Variants in KLC1 observed in about 807,000 individuals in gnomAD.
The protein encoded by KLC1 is kinesin light chain 1.
Under a neutral mutation model 84.2 loss-of-function variants are expected in KLC1, and 30 were observed. The observed-to-expected ratio is 0.36, with a 90% CI of 0.27 to 0.48. The LOEUF is 0.48. KLC1 is among the 20% of genes least tolerant of loss of function. The pLI is 0.99. For synonymous variants in KLC1, 289 were observed against 293.3 expected, an observed-to-expected ratio of 0.99 and a Z score of 0.15; for missense variants, 499 against 805.4, an observed-to-expected ratio of 0.62 and a Z score of 4.60.
chr14:103,692,189 CTAAA>C (rs370736796), intron 14 of KLC1, among the ~76,000 whole-genome samples, 166 bp from the exon 15 acceptor site: 43 of 152,282 alleles, frequency 2.8e-4, no homozygotes, highest in African/African-American at 7.9e-4. Context: ...CTCCTGGGCA[CTAAA>C]TAGAGTGAGA....
At chr14:103,652,399 C>A (rs985570116) in intron 1 of KLC1, among the ~76,000 whole-genome samples, 1 of 152,184 alleles carries the variant, frequency 6.6e-6, no homozygotes, top group African/African-American at 2.4e-5. Flanking sequence ...TATTCCCAGC[C>A]TGGCACACCA....
At chr14:103,658,463 T>C (rs1368829669) in intron 3 of KLC1, among the ~76,000 whole-genome samples, 2 of 122,804 alleles carry the variant, frequency 1.6e-5, no homozygotes, top group African/African-American at 6.6e-5. Context: ...TTAGTAGAGA[T>C]GAGGTTTCAC....
chr14:103,631,906 A>G (rs758947028), intron 1 of KLC1, among the ~76,000 whole-genome samples: 8 of 152,180 alleles, frequency 5.3e-5, no homozygotes, highest in African/African-American at 9.7e-5. Flanking sequence ...GGCTGAAACC[A>G]GTATTTTATG....
chr14:103,672,677 C>A (rs1311476944), intron 7 of KLC1, among the ~76,000 whole-genome samples: 1 of 152,178 alleles, frequency 6.6e-6, no homozygotes, highest in Non-Finnish European at 1.5e-5. Flanking sequence ...ATAGCCTTTA[C>A]AAAGCCCATT....
intron 5 of KLC1, among the ~76,000 whole-genome samples, chr14:103,664,790 C>T (rs547270040): frequency 6.8e-6 from 1 of 146,404 alleles, no homozygotes; most frequent in South Asian, 2.2e-4. Context: ...GCTAGGATTA[C>T]AGGCGTGAAC....
chr14:103,678,604 C>T (rs4906358), intron 12 of KLC1, among the ~76,000 whole-genome samples: 88,888 of 151,286 alleles, frequency 0.59, 27,639 homozygotes, highest in Non-Finnish European at 0.71. Flanking sequence ...GTGGGAGGAT[C>T]GCTTGAACCC....
At chr14:103,637,084 C>T (rs964583245) in intron 1 of KLC1, among the ~76,000 whole-genome samples, 3 of 151,746 alleles carry the variant, frequency 2.0e-5, no homozygotes, top group Non-Finnish European at 2.9e-5. Context: ...CTCTATTGCC[C>T]AGGCTGACGT....
chr14:103,645,738 A>G (rs2077867375), intron 1 of KLC1, among the ~76,000 whole-genome samples: 1 of 150,668 alleles, frequency 6.6e-6, no homozygotes, highest in African/African-American at 2.4e-5. Flanking sequence ...TAGAAAAGAT[A>G]TAGTCAAAAT....
chr14:103,678,152 A>G (rs1282076162), intron 12 of KLC1, among the ~76,000 whole-genome samples: 1 of 152,192 alleles, frequency 6.6e-6, no homozygotes, highest in African/African-American at 2.4e-5. Context: ...AGTCCCAGCT[A>G]CTGGGGAGGC....
At chr14:103,638,338 C>T (rs1355467987) in intron 1 of KLC1, among the ~76,000 whole-genome samples, 1 of 152,154 alleles carries the variant, frequency 6.6e-6, no homozygotes, top group Non-Finnish European at 1.5e-5. Flanking sequence ...TCTGTGCACC[C>T]AGACCTATTG....
intron 5 of KLC1, among the ~76,000 whole-genome samples, chr14:103,663,229 G>A (rs1421547875): frequency 6.6e-6 from 1 of 151,784 alleles, no homozygotes; most frequent in Non-Finnish European, 1.5e-5. Flanking sequence ...TCAGGCACCC[G>A]CCACCATGCC....
intron 1 of KLC1, among the ~76,000 whole-genome samples, chr14:103,648,627 A>G (rs1033035211): frequency 5.9e-5 from 9 of 152,066 alleles, no homozygotes; most frequent in African/African-American, 2.2e-4. Flanking sequence ...CAGAAAATAA[A>G]AAGAAAATAA....
intron 9 of KLC1, among the ~76,000 whole-genome samples, chr14:103,674,236 G>A (rs1225937721): frequency 6.6e-6 from 1 of 151,984 alleles, no homozygotes; most frequent in Non-Finnish European, 1.5e-5. Flanking sequence ...ATATCATCAT[G>A]TATACTGCTT....
intron 15 of KLC1, chr14:103,699,050 A>G: frequency 1.9e-6 from 3 of 1,566,770 alleles, no homozygotes; most frequent in Non-Finnish European, 2.6e-6. Context: ...GCTGGCGCTC[A>G]GGCTTGGTGG....
intron 13 of KLC1, among the ~76,000 whole-genome samples, chr14:103,684,462 G>A (rs1195030628): frequency 2.0e-5 from 3 of 152,222 alleles, no homozygotes; most frequent in African/African-American, 7.2e-5. Flanking sequence ...GGCAGCCGCC[G>A]GCCTTCCCCC....
intron 15 of KLC1, chr14:103,698,932 C>T (rs765167812): frequency 1.0e-5 from 16 of 1,599,952 alleles, no homozygotes; most frequent in African/African-American, 6.7e-5. Flanking sequence ...GCCTCTTCCT[C>T]GCGGAGCCGG....
intron 3 of KLC1, among the ~76,000 whole-genome samples, chr14:103,660,307 C>G (rs1327392798): frequency 6.6e-6 from 1 of 151,778 alleles, no homozygotes; most frequent in Non-Finnish European, 1.5e-5. Context: ...ATAGTGAAAC[C>G]CTATCTCTAC....
intron 1 of KLC1, among the ~76,000 whole-genome samples, chr14:103,652,007 C>T (rs913065963): frequency 6.6e-6 from 1 of 152,172 alleles, no homozygotes; most frequent in Admixed American, 6.5e-5. Context: ...AAGGGCGAGG[C>T]CCTTATTAAT....
chr14:103,643,649 C>T (rs1595282524), intron 1 of KLC1, among the ~76,000 whole-genome samples: 1 of 152,106 alleles, frequency 6.6e-6, no homozygotes, highest in Admixed American at 6.6e-5. Context: ...ATTGGTTGAC[C>T]GGGCATGGTG....
Sources: allele counts gnomAD v4.1 joint callset (sites outside exome capture counted in the v4.1 genomes callset), GRCh38; gene constraint gnomAD v4.1.1; transcripts MANE v1.5; gene names NCBI Gene and HGNC (gene_info 2026-07-23, HGNC 2026-07-21).